PIK3C2G: variants seen among roughly 807,000 people sequenced by gnomAD.
The protein encoded by PIK3C2G is phosphatidylinositol 3-kinase C2 domain-containing subunit gamma.
A neutral mutation model predicts 181.1 loss-of-function variants in PIK3C2G; 168 were observed. That is an observed-to-expected ratio of 0.93 (90% confidence interval 0.82 to 1.05). The LOEUF is 1.05. Among genes scored for constraint, PIK3C2G ranks in the 50% least tolerant of loss-of-function variants. The pLI is 0.00. For missense variants in PIK3C2G, 1,869 were observed against 1,732.8 expected, an observed-to-expected ratio of 1.08 and a Z score of -1.40; for synonymous variants, 573 against 592.2, an observed-to-expected ratio of 0.97 and a Z score of 0.47.
In PIK3C2G at chr12:18,648,105, A is replaced by G; in HGVS notation, c.*77A>G. On this transcript the variant is annotated 3_prime_UTR_variant, in exon 33 of 33. Coordinates refer to ENST00000538779, the MANE Select transcript of PIK3C2G (RefSeq NM_001288772.2). ...TTCTGGGCCTCTGAATCACATAAGT[A>G]AGGCATCTTTGTTGTCAAAGACAGC... The G allele has an allele frequency of 4.6e-6, 4 of 872,858 alleles. No homozygotes were observed. The highest frequency in any genetic ancestry group is 5.0e-6 in the Non-Finnish European group (3 of 597,188). The allele number at this position is 872,858 out of a possible 1,614,324, so 54.1% of individuals were successfully genotyped here. A position where few individuals can be genotyped will look rare whatever the true frequency, so the allele number is the denominator to read the frequency against.
intron 8 of PIK3C2G, among the ~76,000 whole-genome samples, chr12:18,334,244 T>C (rs139590495): frequency 6.6e-6 from 1 of 152,244 alleles, no homozygotes; most frequent in Non-Finnish European, 1.5e-5. Context: ...TGGAGCACCT[T>C]TCTACTCAAC....
the PIK3C2G span, among the ~76,000 whole-genome samples, chr12:18,677,822 A>G: frequency 2.0e-5 from 3 of 152,196 alleles, no homozygotes; most frequent in Middle Eastern, 3.4e-3. Context: ...ATAAGCACAA[A>G]TCTATCCTTC....
chr12:18,314,734 C>T (rs1010952755), intron 6 of PIK3C2G: 1 of 152,108 alleles, frequency 6.6e-6, no homozygotes, highest in Admixed American at 6.5e-5. Context: ...CTGTGAGACA[C>T]TTATTAAGGT....
intron 24 of PIK3C2G, among the ~76,000 whole-genome samples, chr12:18,535,905 C>A (rs776501193): frequency 3.3e-5 from 5 of 151,892 alleles, no homozygotes; most frequent in Non-Finnish European, 7.4e-5. Flanking sequence ...GGGAATTGAA[C>A]AATGAGATCA....
chr12:18,681,275 A>G, the PIK3C2G span, among the ~76,000 whole-genome samples: 1 of 152,068 alleles, frequency 6.6e-6, no homozygotes, highest in Non-Finnish European at 1.5e-5. Context: ...CTAATCTAGC[A>G]GAACACGGAT....
At chr12:18,684,423 C>T in the PIK3C2G span, 1 of 709,660 alleles carries the variant, frequency 1.4e-6, no homozygotes, top group Non-Finnish European at 2.3e-6. Flanking sequence ...TTAATATACT[C>T]AGTGTGAGAG....
At chr12:18,386,598 G>A (rs1943184151) in intron 14 of PIK3C2G, among the ~76,000 whole-genome samples, 1 of 152,108 alleles carries the variant, frequency 6.6e-6, no homozygotes, top group Admixed American at 6.6e-5. Context: ...GTGCATCCAG[G>A]TGGTAGCCCC....
intron 11 of PIK3C2G, among the ~76,000 whole-genome samples, chr12:18,360,363 G>T (rs1450429124): frequency 1.3e-5 from 2 of 151,786 alleles, no homozygotes; most frequent in Non-Finnish European, 2.9e-5. Flanking sequence ...AGCTATTTTT[G>T]TACTTTTATC....
At chr12:18,677,560 T>C in the PIK3C2G span, among the ~76,000 whole-genome samples, 3 of 152,090 alleles carry the variant, frequency 2.0e-5, no homozygotes, top group East Asian at 1.9e-4. Flanking sequence ...CTGTTTTCAC[T>C]GGCTGAGGAC....
chr12:18,714,745 C>A, the PIK3C2G span: 1 of 152,156 alleles, frequency 6.6e-6, no homozygotes, highest in African/African-American at 2.4e-5. Context: ...TCGGCTGCCA[C>A]AACTGGAGAT....
chr12:18,404,693 T>G (rs1310015386), intron 16 of PIK3C2G, among the ~76,000 whole-genome samples: 1 of 152,110 alleles, frequency 6.6e-6, no homozygotes, highest in Non-Finnish European at 1.5e-5. Context: ...TAGAAGAGAA[T>G]TGTATCAGGA....
chr12:18,708,777 C>A, the PIK3C2G span, among the ~76,000 whole-genome samples: 2 of 151,958 alleles, frequency 1.3e-5, no homozygotes, highest in African/African-American at 2.4e-5. Flanking sequence ...TGTTGAGTAC[C>A]TTTTCATATA....
chr12:18,684,214 G>A, the PIK3C2G span: 17 of 1,611,576 alleles, frequency 1.1e-5, no homozygotes, highest in African/African-American at 9.4e-5. Flanking sequence ...ACAACAAAAC[G>A]TATCAATGCC....
intron 18 of PIK3C2G, among the ~76,000 whole-genome samples, chr12:18,478,803 C>T (rs1413902262): frequency 6.6e-6 from 1 of 151,908 alleles, no homozygotes; most frequent in Non-Finnish European, 1.5e-5. Flanking sequence ...AAGGAGACCC[C>T]ACCTCTACAA....
intron 1 of PIK3C2G, among the ~76,000 whole-genome samples, chr12:18,250,068 GAA>G (rs1250316364): frequency 2.0e-5 from 3 of 152,016 alleles, no homozygotes; most frequent in African/African-American, 7.2e-5. Context: ...GAATTAGTCA[GAA>G]AAATCTGATT....
rs144238944 is a variant in PIK3C2G at position 18,317,608 on chromosome 12, T to C, written c.1138-3354T>C. On this transcript the variant is annotated intron_variant, in intron 6 of 32. Coordinates refer to ENST00000538779, the MANE Select transcript of PIK3C2G (RefSeq NM_001288772.2). ...CTCTGAAAGAAAATATGGCCAGCTC[T>C]AAAAGTTGAGAGAACCACCTAATGC... 3.2e-3 allele frequency among the ~76,000 whole-genome samples: 490 copies of C among 152,294 alleles called. 1 individual carries two copies. The highest frequency in any genetic ancestry group is 5.8e-3 in the Non-Finnish European group (396 of 68,016).
chr12:18,391,526 A>G lies in PIK3C2G; in HGVS notation c.2126+274A>G, dbSNP rs982619062. Among the ~76,000 whole-genome samples, 3 of 152,200 alleles carry G rather than the reference A, an allele frequency of 2.0e-5. No individual in the cohort carries two copies. The South Asian group carries it at 6.2e-4, about 31-fold the overall frequency. On this transcript the variant is annotated intron_variant, in intron 15 of 32. Transcript: ENST00000538779. ...ATAACAAAGCAGAGAGTGATCATAT[A>G]TACATCAGCACATAGCAGTGATAAA...
chr12:18,281,354 G>C (rs1949210204), intron 1 of PIK3C2G, among the ~76,000 whole-genome samples: 2 of 150,250 alleles, frequency 1.3e-5, no homozygotes, highest in Non-Finnish European at 3.0e-5. Context: ...GCCAAAGTGA[G>C]AAAGCAAGAA....
chr12:18,273,751 C>T (rs1192703883), intron 1 of PIK3C2G, among the ~76,000 whole-genome samples: 2 of 152,138 alleles, frequency 1.3e-5, no homozygotes, highest in African/African-American at 4.8e-5. Flanking sequence ...TGGGCAAGGA[C>T]TCCATGTCTA....
Sources: allele counts gnomAD v4.1 joint callset (sites outside exome capture counted in the v4.1 genomes callset), GRCh38; gene constraint gnomAD v4.1.1; transcripts MANE v1.5; gene names NCBI Gene and HGNC (gene_info 2026-07-23, HGNC 2026-07-21).